Variants in TRAM1 observed in about 807,000 individuals in gnomAD.
TRAM1 encodes translocating chain-associated membrane protein 1.
A neutral mutation model predicts 48.7 loss-of-function variants in TRAM1; 17 were observed. That is an observed-to-expected ratio of 0.35 (90% CI 0.24 to 0.52). The LOEUF (loss-of-function observed/expected upper bound fraction) is 0.52. Ranked by LOEUF, TRAM1 falls within the 20% of genes least tolerant of loss-of-function variation. The pLI, the probability that TRAM1 is intolerant of heterozygous loss-of-function variation, is 0.94. For missense variants in TRAM1, 351 were observed against 441.5 expected, an observed-to-expected ratio of 0.79 and a Z score of 1.84; for synonymous variants, 182 against 154.0, an observed-to-expected ratio of 1.18 and a Z score of -1.34.
chr8:70,576,110 A>C (rs624481), intron 10 of TRAM1, among the ~76,000 whole-genome samples: 9 of 151,124 alleles, frequency 6.0e-5, no homozygotes, highest in South Asian at 2.1e-4. Context: ...ACAAAAAAAA[A>C]CCCCAAAACA....
intron 4 of TRAM1, among the ~76,000 whole-genome samples, chr8:70,597,088 T>G (rs1368538023): frequency 6.6e-6 from 1 of 152,094 alleles, no homozygotes; most frequent in Non-Finnish European, 1.5e-5. Context: ...AATACAGTGA[T>G]TAGAAAGAAT....
At chr8:70,594,889 T>G (rs190626627) in intron 5 of TRAM1, among the ~76,000 whole-genome samples, 1 of 152,320 alleles carries the variant, frequency 6.6e-6, no homozygotes, top group Non-Finnish European at 1.5e-5. Context: ...TAATACTGAC[T>G]AGTATGTCAT....
chr8:70,599,436 A>T (rs1022802002), intron 2 of TRAM1, among the ~76,000 whole-genome samples: 4 of 152,244 alleles, frequency 2.6e-5, no homozygotes. Context: ...TTAAATTACA[A>T]TCAACTTCCA....
At chr8:70,577,533 G>A (rs1816983886) in intron 10 of TRAM1, among the ~76,000 whole-genome samples, 1 of 152,206 alleles carries the variant, frequency 6.6e-6, no homozygotes, top group African/African-American at 2.4e-5. Context: ...GGTCTCCTGA[G>A]AACTGTTCTG....
At chr8:70,583,583 T>C (rs1817130913) in intron 9 of TRAM1, 67 bp downstream of exon 9, 2 of 1,549,054 alleles carry the variant, frequency 1.3e-6, no homozygotes, top group African/African-American at 1.4e-5. Context: ...GATGATTCAA[T>C]GTAGAGAAAC....
intron 5 of TRAM1, among the ~76,000 whole-genome samples, chr8:70,595,155 G>C (rs1817461171): frequency 6.6e-6 from 1 of 151,784 alleles, no homozygotes; most frequent in African/African-American, 2.4e-5. Context: ...GGCACACAAG[G>C]GCTCTCCAGG....
At position 70,601,044 on chromosome 8, in the gene TRAM1, T is replaced by C. The variant is rs544386737; in HGVS notation, c.124-962A>G. On this transcript the variant is annotated intron_variant, in intron 1 of 10. Coordinates refer to ENST00000262213, the MANE Select transcript of TRAM1 (RefSeq NM_014294.6). ...GAGCTAAGTAGTTTAGATTTCACTTTCGCACAAGTGGAGAATGTTGAGGAC... is the reference window on the plus strand; with the variant it reads ...GAGCTAAGTAGTTTAGATTTCACTTCCGCACAAGTGGAGAATGTTGAGGAC... 6.1e-4 allele frequency among the ~76,000 whole-genome samples: 93 copies of C among 152,350 alleles called. 1 individual carries two copies. The highest frequency in any genetic ancestry group is 2.1e-3 in the African/African-American group (86 of 41,572).
At chr8:70,576,330 C>CA (rs1004961656) in intron 10 of TRAM1, among the ~76,000 whole-genome samples, 1 of 152,006 alleles carries the variant, frequency 6.6e-6, no homozygotes, top group South Asian at 2.1e-4. Flanking sequence ...AAAATCAACA[C>CA]AAAAAGACAA....
At position 70,600,026 on chromosome 8, in the gene TRAM1, T is replaced by C; in HGVS notation, c.180A>G (p.Pro60=). The change falls in exon 2 of 11, where the codon CCA becomes CCG. Residue 60 remains proline, a synonymous_variant. Transcript: ENST00000262213. ...FVTLQYNVTL[P]ATEEQATESV... is the part of the protein sequence containing the mutation. Reference sequence around the variant, plus strand: ...TTAGCGTAAATTACCTACCTGTTGCTGGGAGGGTGACATTGTACTGAAGAG... The same window carrying C: ...TTAGCGTAAATTACCTACCTGTTGCCGGGAGGGTGACATTGTACTGAAGAG... 6.2e-7 allele frequency: 1 copy of C among 1,613,534 alleles called. No individual in the cohort carries two copies. Among genetic ancestry groups the C allele is most frequent in the Non-Finnish European group, 8.5e-7 (1 of 1,179,584 alleles).
intron 1 of TRAM1, among the ~76,000 whole-genome samples, chr8:70,601,547 C>T (rs952696903): frequency 3.9e-5 from 6 of 152,214 alleles, no homozygotes; most frequent in Admixed American, 1.3e-4. Flanking sequence ...GGGATCATGC[C>T]TGTTTCCACT....
intron 1 of TRAM1, among the ~76,000 whole-genome samples, chr8:70,600,912 G>A (rs1817595919): frequency 6.6e-6 from 1 of 152,060 alleles, no homozygotes; most frequent in Admixed American, 6.6e-5. Flanking sequence ...AACAGAGCGT[G>A]GCAAGATCAA....
chr8:70,586,643 G>T (rs1817227486), intron 8 of TRAM1, among the ~76,000 whole-genome samples: 6 of 152,044 alleles, frequency 3.9e-5, no homozygotes. Context: ...CAAAGTAAAA[G>T]TTATAACAGA....
At chr8:70,586,576 T>C (rs773060728) in intron 8 of TRAM1, among the ~76,000 whole-genome samples, 50 of 152,170 alleles carry the variant, frequency 3.3e-4, no homozygotes, top group Non-Finnish European at 5.4e-4. Context: ...ATTGTTTCAC[T>C]TTCTTCTGAG....
intron 4 of TRAM1, 28 bp downstream of exon 4, chr8:70,597,867 G>C: frequency 6.7e-7 from 1 of 1,492,236 alleles, no homozygotes; most frequent in Non-Finnish European, 9.1e-7. Flanking sequence ...TAAGGAAGGA[G>C]AACAACAACC....
intron 6 of TRAM1, among the ~76,000 whole-genome samples, chr8:70,592,581 A>G (rs1817389151): frequency 6.6e-6 from 1 of 152,240 alleles, no homozygotes; most frequent in Non-Finnish European, 1.5e-5. Flanking sequence ...AGGAACTGAT[A>G]AGAAAAGAGC....
At position 70,574,096 on chromosome 8, in the gene TRAM1, G is replaced by T; in HGVS notation, c.*836C>A. On this transcript the variant is annotated 3_prime_UTR_variant, in exon 11 of 11. Transcript: ENST00000262213. ...GCATTATGTTTTAAAAGTGTTTGCA[G>T]GTTAAACTTTTCTAAGATGCTGTGC... is the stretch of plus-strand genomic sequence containing the variant. 1 of 255,790 alleles carries T rather than the reference G, an allele frequency of 3.9e-6. No individual in the cohort carries two copies. The highest frequency in any genetic ancestry group is 7.8e-6 in the Non-Finnish European group (1 of 127,420). The allele number at this position is 255,790 out of a possible 1,614,324, so 15.8% of individuals were successfully genotyped here.
At chr8:70,598,314 T>C in intron 2 of TRAM1, 59 bp from the exon 3 acceptor site, 3 of 1,517,952 alleles carry the variant, frequency 2.0e-6, no homozygotes, top group Non-Finnish European at 2.7e-6. Context: ...AAAAACAGCA[T>C]TAAGTACAAC....
intron 6 of TRAM1, among the ~76,000 whole-genome samples, chr8:70,589,137 A>G (rs1817293215): frequency 6.6e-6 from 1 of 152,244 alleles, no homozygotes; most frequent in African/African-American, 2.4e-5. Flanking sequence ...AGTTTTAGGT[A>G]GAACATAAGA....
intron 8 of TRAM1, 39 bp downstream of exon 8, chr8:70,586,856 T>C (rs1340705712): frequency 1.9e-6 from 3 of 1,544,678 alleles, no homozygotes; most frequent in African/African-American, 2.7e-5. Context: ...TGACTTTAAA[T>C]ACCTAGTACA....
Sources: gnomAD v4.1 joint callset for allele counts (sites outside exome capture counted in the v4.1 genomes callset) on GRCh38, gnomAD v4.1.1 for gene constraint, MANE v1.5 for transcripts, NCBI Gene and HGNC (gene_info 2026-07-23, HGNC 2026-07-21) for gene names.